The following WDFY4 variants were observed in gnomAD, a reference collection of about 807,000 sequenced individuals.
WDFY4 encodes WD repeat- and FYVE domain-containing protein 4.
A neutral mutation model predicts 351.9 loss-of-function variants in WDFY4; 169 were observed. The observed-to-expected ratio is 0.48, with a 90% CI of 0.42 to 0.55. The LOEUF is 0.55. Among genes scored for constraint, WDFY4 ranks in the 20% least tolerant of loss-of-function variants. The pLI, the probability that WDFY4 is intolerant of heterozygous loss-of-function variation, is 0.00. For missense variants in WDFY4, 3,803 were observed against 3,935.6 expected (o/e 0.97, Z 0.90); for synonymous variants, 1,622 against 1,574.6 (o/e 1.03, Z -0.71).
At chr10:48,770,745 C>T (rs10776643) in intron 13 of WDFY4, among the ~76,000 whole-genome samples, 67,274 of 152,040 alleles carry the variant, frequency 0.44, 15,070 homozygotes, top group Middle Eastern at 0.63. Context: ...AACTTTGGCA[C>T]TTCTGCTTTC....
chr10:48,685,869 G>C (rs1314826754), intron 1 of WDFY4, among the ~76,000 whole-genome samples: 1 of 152,028 alleles, frequency 6.6e-6, no homozygotes, highest in South Asian at 2.1e-4. Flanking sequence ...AAGCGGACAG[G>C]GGTCTACGGT....
At chr10:48,830,580 A>C in intron 37 of WDFY4, 120 bp from the exon 38 acceptor site, 2 of 1,109,848 alleles carry the variant, frequency 1.8e-6, no homozygotes, top group Non-Finnish European at 2.5e-6. Flanking sequence ...AGCTGGGGTG[A>C]TGTTCAAGAC....
intron 44 of WDFY4, among the ~76,000 whole-genome samples, chr10:48,893,635 T>G (rs1836925168): frequency 6.6e-6 from 1 of 152,234 alleles, no homozygotes; most frequent in East Asian, 1.9e-4. Context: ...GAATTAGATG[T>G]GGACTAAATC....
At position 48,778,791 on chromosome 10, in the gene WDFY4, C is replaced by A; in HGVS notation, c.3356C>A (p.Ser1119Tyr). The change falls in exon 18 of 62, where the codon TCC becomes TAC. Residue 1119 changes from serine (S) to tyrosine (Y), a missense_variant. By Grantham distance (144) the Ser-to-Tyr change is moderately radical (BLOSUM62 -2). Around this residue, in one of 3 missense-constraint regions of WDFY4, gnomAD observed 3,054 missense variants for 3,148.6 expected, o/e 0.97. Coordinates refer to ENST00000325239, the MANE Select transcript of WDFY4 (RefSeq NM_001394531.1). ...FSVSLCPDDL[S>Y]LVVSTEEKEF... ...GTCAGCCTCTGCCCAGACGACCTCT[C>A]CTTGGTTGTTTCTACAGAAGAGAAG... 6.4e-7 allele frequency: 1 copy of A among 1,551,514 alleles called. No homozygotes were observed. Among genetic ancestry groups the A allele is most frequent in the East Asian group, 2.4e-5 (1 of 40,914 alleles).
intron 51 of WDFY4, among the ~76,000 whole-genome samples, chr10:48,950,392 C>T (rs953038004): frequency 6.6e-6 from 1 of 152,230 alleles, no homozygotes. Context: ...GCTGAGTCTG[C>T]GCCCCTGTAT....
At chr10:48,807,306 T>C (rs1193279905) in intron 27 of WDFY4, among the ~76,000 whole-genome samples, 1 of 152,222 alleles carries the variant, frequency 6.6e-6, no homozygotes, top group Non-Finnish European at 1.5e-5. Context: ...ACCAACATAT[T>C]AAAGCATTGT....
intron 27 of WDFY4, among the ~76,000 whole-genome samples, chr10:48,806,391 A>C (rs2067256509): frequency 6.6e-6 from 1 of 151,454 alleles, no homozygotes; most frequent in Admixed American, 6.6e-5. Flanking sequence ...TCCTGGTTGA[A>C]CCCCCACTAC....
intron 60 of WDFY4, 99 bp from the exon 61 acceptor site, chr10:48,981,267 TA>T: frequency 1.0e-6 from 1 of 955,156 alleles, no homozygotes; most frequent in Non-Finnish European, 1.6e-6. Context: ...ACCACAAATA[TA>T]AATATGTGCG....
chr10:48,748,340 G>T (rs748745899), intron 12 of WDFY4, among the ~76,000 whole-genome samples: 1 of 152,126 alleles, frequency 6.6e-6, no homozygotes, highest in African/African-American at 2.4e-5. Context: ...GGAAACAAAG[G>T]CTGAGAAAGG....
chr10:48,716,169 A>G (rs2063904014), intron 2 of WDFY4, among the ~76,000 whole-genome samples: 1 of 152,224 alleles, frequency 6.6e-6, no homozygotes, highest in East Asian at 1.9e-4. Context: ...CTTCATGCAA[A>G]GTCTCAGAAA....
intron 20 of WDFY4, among the ~76,000 whole-genome samples, chr10:48,788,034 C>CTT (rs1565199626): frequency 8.3e-6 from 1 of 120,224 alleles, no homozygotes; most frequent in African/African-American, 3.3e-5. Flanking sequence ...TTCTCCTTTT[C>CTT]CTTCTTCTTC....
intron 47 of WDFY4, among the ~76,000 whole-genome samples, chr10:48,934,867 T>G (rs1420123926): frequency 6.6e-6 from 1 of 152,126 alleles, no homozygotes; most frequent in Non-Finnish European, 1.5e-5. Flanking sequence ...GGATCCCGTG[T>G]GATCCCCAAA....
chr10:48,939,120 T>C (rs1299122347), intron 47 of WDFY4, among the ~76,000 whole-genome samples: 1 of 152,150 alleles, frequency 6.6e-6, no homozygotes, highest in African/African-American at 2.4e-5. Context: ...GGTGCCCAGG[T>C]TCCCAGGTTG....
intron 1 of WDFY4, among the ~76,000 whole-genome samples, chr10:48,688,310 A>G (rs756954754): frequency 5.9e-5 from 9 of 152,140 alleles, no homozygotes; most frequent in Non-Finnish European, 1.2e-4. Context: ...TATTTTACTC[A>G]TTCATATAAA....
chr10:48,699,433 G>T (rs80154848), intron 1 of WDFY4, among the ~76,000 whole-genome samples: 1,893 of 152,222 alleles, frequency 0.012, 38 homozygotes, highest in African/African-American at 0.043. Flanking sequence ...ATACATCACC[G>T]ATGTGGGCAA....
intron 45 of WDFY4, 141 bp downstream of exon 45, chr10:48,897,715 C>T (rs755242141): frequency 1.6e-5 from 21 of 1,330,640 alleles, no homozygotes; most frequent in Middle Eastern, 2.5e-4. Context: ...AGGAGACACC[C>T]GCAAGTTCCC....
Position 48,811,579 on chromosome 10 carries a change from A to T in WDFY4, c.5085A>T (p.Pro1695=), listed in dbSNP as rs1238934524. 5.2e-6 allele frequency: 8 copies of T among 1,552,076 alleles called. No homozygotes were observed. In the East Asian group the frequency reaches 9.8e-5, roughly 19 times the overall value. Residue 1695 remains proline (P), a synonymous_variant, in exon 30 of 62, where the codon CCA becomes CCT. Transcript: ENST00000325239. ...KSQSPLPEQS[P]CLLPGFRVLN... ...AGTCACCACTGCCTGAGCAAAGCCCATGCCTGCTTCCTGGGTTCCGTGTCT... is the reference window on the plus strand; with the variant it reads ...AGTCACCACTGCCTGAGCAAAGCCCTTGCCTGCTTCCTGGGTTCCGTGTCT...
At chr10:48,916,036 C>T (rs1838499293) in intron 47 of WDFY4, among the ~76,000 whole-genome samples, 1 of 152,156 alleles carries the variant, frequency 6.6e-6, no homozygotes, top group African/African-American at 2.4e-5. Context: ...TCACTTGGTC[C>T]CACCAAACTC....
chr10:48,770,317 G>C (rs1281704285), intron 13 of WDFY4, among the ~76,000 whole-genome samples: 1 of 152,110 alleles, frequency 6.6e-6, no homozygotes, highest in Non-Finnish European at 1.5e-5. Context: ...TGCTATGTTG[G>C]GGGGAAAGAA....
Sources: gnomAD v4.1 joint callset for allele counts (sites outside exome capture counted in the v4.1 genomes callset) on GRCh38, gnomAD v4.1.1 for gene constraint, gnomAD v4.1.1 regional missense constraint, MANE v1.5 for transcripts, NCBI Gene and HGNC (gene_info 2026-07-23, HGNC 2026-07-21) for gene names.